Variants in DPCD observed in about 807,000 individuals in gnomAD.
DPCD encodes the protein deleted in primary ciliary dyskinesia homolog (mouse), also known as protein DPCD.
In DPCD, 20 loss-of-function variants were observed where a neutral mutation model predicts 26.4. The observed-to-expected ratio is 0.76, with a 90% CI of 0.53 to 1.10. The LOEUF is 1.10. Among genes scored for constraint, DPCD ranks in the 50% least tolerant of loss-of-function variants. The pLI, the probability that DPCD is intolerant of heterozygous loss-of-function variation, is 0.00. For synonymous variants in DPCD, 97 were observed against 94.2 expected (o/e 1.03, Z -0.17); for missense variants, 202 against 253.9 (o/e 0.80, Z 1.39).
At chr10:101,609,167 T>A in intron 5 of DPCD, 200 bp from the exon 6 acceptor site, 1 of 645,044 alleles carries the variant, frequency 1.6e-6, no homozygotes, top group Non-Finnish European at 2.7e-6. Flanking sequence ...AGGGAAGCGG[T>A]GGAAATTGCT....
chr10:101,603,139 G>A lies in DPCD; in HGVS notation c.404+1803G>A, dbSNP rs1484862931. Among the ~76,000 whole-genome samples the A allele has an allele frequency of 6.6e-6, 1 of 152,170 alleles. No homozygotes were observed. The highest frequency in any genetic ancestry group is 1.5e-5 in the Non-Finnish European group (1 of 68,022). The stretch of plus-strand genomic sequence containing the variant: ...CATAGAGGACAGAGGAGTGTTTCAG[G>A]GCCCACTTTGGAACCCACACTGAGC... On this transcript the variant is annotated intron_variant, in intron 4 of 5. Coordinates refer to ENST00000370151, the MANE Select transcript of DPCD (RefSeq NM_015448.3). The surrounding 1 kb of genome is among the most constrained non-coding windows in gnomAD (Gnocchi z 4.6).
intron 2 of DPCD, among the ~76,000 whole-genome samples, chr10:101,595,454 CTT>C (rs2063643844): frequency 6.6e-6 from 1 of 152,128 alleles, no homozygotes; most frequent in Non-Finnish European, 1.5e-5. Context: ...GAGTTGGTCT[CTT>C]TATTAAGTTC....
At chr10:101,589,054 G>T (rs2063544673) in intron 1 of DPCD, among the ~76,000 whole-genome samples, 1 of 152,234 alleles carries the variant, frequency 6.6e-6, no homozygotes, top group Non-Finnish European at 1.5e-5. Context: ...GGCCGATGCC[G>T]GCCCCTTTGT....
intron 1 of DPCD, 96 bp downstream of exon 1, chr10:101,588,496 G>T: frequency 6.6e-7 from 1 of 1,512,144 alleles, no homozygotes; most frequent in African/African-American, 1.4e-5. Context: ...GAGCTGGAAG[G>T]GTCTCGGCGG....
chr10:101,593,108 G>A (rs1315167584), intron 1 of DPCD, among the ~76,000 whole-genome samples: 1 of 152,210 alleles, frequency 6.6e-6, no homozygotes, highest in East Asian at 1.9e-4. Flanking sequence ...CATGTGAAAT[G>A]CCTGGATTTA....
rs892731022 is a variant in DPCD, at chr10:101,609,549, C to T, written c.*78C>T. 1 of 1,306,334 alleles carries T rather than the reference C, an allele frequency of 7.7e-7. No homozygotes were observed. Among genetic ancestry groups the T allele is most frequent in the Non-Finnish European group, 1.1e-6 (1 of 923,028 alleles). 80.9% of individuals were successfully genotyped at this position (1,306,334 alleles called of 1,614,324 possible). A position where few individuals can be genotyped will look rare whatever the true frequency, so the allele number is the denominator to read the frequency against. On this transcript the variant is annotated 3_prime_UTR_variant, in exon 6 of 6. Transcript: ENST00000370151. ...GCTTGGCCCTTCTTGACCACGGCAGCCTCCTGTCTTCTAGGAGCTATCAAG... is the reference window on the plus strand; with the variant it reads ...GCTTGGCCCTTCTTGACCACGGCAGTCTCCTGTCTTCTAGGAGCTATCAAG...
intron 1 of DPCD, chr10:101,588,740 A>G (rs891277895): frequency 2.1e-6 from 2 of 932,420 alleles, no homozygotes. Flanking sequence ...ACTGAAATCC[A>G]AGAATGTTTT....
Position 101,603,239 on chromosome 10 carries a change from G to A in DPCD, c.404+1903G>A, listed in dbSNP as rs1037339460. 3.3e-5 allele frequency among the ~76,000 whole-genome samples: 5 copies of A among 152,136 alleles called. No homozygotes were observed. Among genetic ancestry groups the A allele is most frequent in the Non-Finnish European group, 7.4e-5 (5 of 68,020 alleles). ...TCTGTTGGGAGGTAACCTAGAGGCCGCTGAACCCTTAGCCAGATCGTTCCC... is the reference window on the plus strand; with the variant it reads ...TCTGTTGGGAGGTAACCTAGAGGCCACTGAACCCTTAGCCAGATCGTTCCC... On this transcript the variant is annotated intron_variant, in intron 4 of 5. Coordinates refer to ENST00000370151, the MANE Select transcript of DPCD (RefSeq NM_015448.3). The surrounding 1 kb of genome is among the most constrained non-coding windows in gnomAD (Gnocchi z 4.6).
chr10:101,597,787 G>A (rs2063664882), intron 2 of DPCD, among the ~76,000 whole-genome samples: 1 of 152,210 alleles, frequency 6.6e-6, no homozygotes, highest in Non-Finnish European at 1.5e-5. Context: ...AGCCGTCCTT[G>A]AGTTCAGAAA....
intron 4 of DPCD, among the ~76,000 whole-genome samples, chr10:101,602,605 C>T (rs527969429): frequency 2.6e-5 from 4 of 152,322 alleles, no homozygotes; most frequent in South Asian, 4.1e-4. Flanking sequence ...AGTTTATTCC[C>T]GTTATTGTTC....
At chr10:101,594,570 G>A (rs1564891467) in intron 1 of DPCD, 88 bp from the exon 2 acceptor site, 2 of 1,350,474 alleles carry the variant, frequency 1.5e-6, no homozygotes, top group African/African-American at 1.4e-5. Context: ...TCCCAAGGCT[G>A]GCACTGTTTC....
intron 1 of DPCD, among the ~76,000 whole-genome samples, chr10:101,589,988 C>T (rs545375480): frequency 1.3e-5 from 2 of 149,374 alleles, no homozygotes; most frequent in South Asian, 2.1e-4. Context: ...GCGAGGTAGA[C>T]GCAGCAGTGA....
chr10:101,601,222 A>G lies in DPCD; in HGVS notation c.290A>G (p.Asp97Gly). The change falls in exon 4 of 6, where the codon GAC becomes GGC. Residue 97 changes from aspartate (D) to glycine (G), a missense_variant. Asp to Gly is a moderately conservative substitution (Grantham distance 94). This residue lies in a region of DPCD where 118 missense variants were observed against 145.1 expected (regional missense o/e 0.81). Transcript: ENST00000370151. ...SNANPIFMRKDTKMSFQWRIR... is the reference protein window; with the variant it reads ...SNANPIFMRKGTKMSFQWRIR... ...CTGCAGCCTATCTTCATGCGCAAGG[A>G]CACCAAGATGAGTTTCCAGTGGCGG... The G allele has an allele frequency of 6.2e-7, 1 of 1,613,546 alleles. No homozygotes were observed. The highest frequency in any genetic ancestry group is 8.5e-7 in the Non-Finnish European group (1 of 1,179,868).
In DPCD at chr10:101,606,412, C is replaced by T. The variant is rs1040190066; in HGVS notation, c.405-2423C>T. ...CTGGCCTCAAGTGATCTGCCTACCT[C>T]GGCCTCCCAAAATGCTGGGATTACA... On this transcript the variant is annotated intron_variant, in intron 4 of 5. Transcript: ENST00000370151. 3.9e-5 allele frequency among the ~76,000 whole-genome samples: 6 copies of T among 152,230 alleles called. No individual in the cohort carries two copies. In the East Asian group the frequency reaches 5.8e-4, roughly 15 times the overall value.
chr10:101,600,865 A>T lies in DPCD; in HGVS notation c.270+3A>T, dbSNP rs372782769. On this transcript the variant is annotated splice_donor_region_variant and intron_variant, in intron 3 of 5. Coordinates refer to ENST00000370151, the MANE Select transcript of DPCD (RefSeq NM_015448.3). This position sits in a 1 kb window ranked among gnomAD's most constrained non-coding sequence, Gnocchi z 4.7. Reference sequence around the variant, plus strand: ...TCATCAAGGAAAGCAATGCCAATGTACGTCCATCTGTCCAGGTGTCTTGCA... The same window carrying T: ...TCATCAAGGAAAGCAATGCCAATGTTCGTCCATCTGTCCAGGTGTCTTGCA... The T allele has an allele frequency of 1.2e-6, 2 of 1,613,818 alleles. No individual in the cohort carries two copies. The highest frequency in any genetic ancestry group is 2.7e-5 in the African/African-American group (2 of 74,898).
intron 2 of DPCD, among the ~76,000 whole-genome samples, chr10:101,597,211 G>A (rs1015215553): frequency 3.9e-5 from 6 of 152,162 alleles, no homozygotes; most frequent in African/African-American, 1.2e-4. Flanking sequence ...GTATTTGACC[G>A]CCAGCCTAAC....
intron 1 of DPCD, among the ~76,000 whole-genome samples, chr10:101,591,689 CT>C (rs879530693): frequency 4.7e-5 from 7 of 148,794 alleles, no homozygotes; most frequent in African/African-American, 4.9e-5. Context: ...TCATAATTTA[CT>C]TTTTTTTTTG....
At chr10:101,609,010 C>A in intron 5 of DPCD, 73 bp downstream of exon 5, 1 of 1,248,284 alleles carries the variant, frequency 8.0e-7, no homozygotes, top group Middle Eastern at 1.9e-4. Context: ...CTTCCCATCC[C>A]ATAAGAGTCC....
Position 101,608,847 on chromosome 10 carries a change from G to A in DPCD, c.417G>A (p.Lys139=), listed in dbSNP as rs765408100. 1 of 1,613,542 alleles carries A rather than the reference G, an allele frequency of 6.2e-7. No homozygotes were observed. The highest frequency in any genetic ancestry group is 2.2e-5 in the East Asian group (1 of 44,850). The change falls in exon 5 of 6, where the codon AAG becomes AAA. Residue 139 remains lysine (K), a synonymous_variant. Coordinates refer to ENST00000370151, the MANE Select transcript of DPCD (RefSeq NM_015448.3). Reference sequence around the variant, plus strand: ...GGTGTCCCCACAGGTACTACAAGAAGTTCTCCATTCCTGATCTAGATAGAC... The same window carrying A: ...GGTGTCCCCACAGGTACTACAAGAAATTCTCCATTCCTGATCTAGATAGAC... ...VRTTNKKYYK[K]FSIPDLDRHQ... is the part of the protein sequence containing the mutation.
Sources: allele counts gnomAD v4.1 joint callset (sites outside exome capture counted in the v4.1 genomes callset), GRCh38; gene constraint gnomAD v4.1.1; regional missense constraint gnomAD v4.1.1; non-coding constraint Gnocchi (gnomAD v3.1); transcripts MANE v1.5; gene names NCBI Gene and HGNC (gene_info 2026-07-23, HGNC 2026-07-21).